ZNF385B: variants seen among roughly 807,000 people sequenced by gnomAD.
ZNF385B encodes the protein zinc finger protein 533.
Under a neutral mutation model 39.2 loss-of-function variants are expected in ZNF385B, and 23 were observed. That is an observed-to-expected ratio of 0.59 (90% confidence interval 0.42 to 0.83). The LOEUF (loss-of-function observed/expected upper bound fraction) is 0.83, where lower values mean the gene tolerates loss of function less well. ZNF385B is among the 40% of genes least tolerant of loss of function. ZNF385B has a pLI of 0.00. For synonymous variants in ZNF385B, 205 were observed against 222.6 expected (o/e 0.92, Z 0.70); for missense variants, 552 against 598.9 (o/e 0.92, Z 0.82).
chr2:179,626,740 C>T (rs1393249195), intron 3 of ZNF385B, among the ~76,000 whole-genome samples: 4 of 152,038 alleles, frequency 2.6e-5, no homozygotes, highest in African/African-American at 7.2e-5. Flanking sequence ...ATAAATTATT[C>T]AGCAAGCAAA....
intron 1 of ZNF385B, among the ~76,000 whole-genome samples, chr2:179,789,719 C>G (rs1164860693): frequency 6.6e-6 from 1 of 152,138 alleles, no homozygotes; most frequent in Admixed American, 6.5e-5. Context: ...CTCCTCTCAC[C>G]TCAATGACGC....
intron 3 of ZNF385B, among the ~76,000 whole-genome samples, chr2:179,564,066 T>C (rs1303602183): frequency 6.6e-6 from 1 of 152,142 alleles, no homozygotes; most frequent in Non-Finnish European, 1.5e-5. Flanking sequence ...AGTGTGGTCC[T>C]CAGACCAGCA....
intron 3 of ZNF385B, among the ~76,000 whole-genome samples, chr2:179,690,298 A>G (rs1011376257): frequency 7.2e-5 from 11 of 152,142 alleles, no homozygotes; most frequent in African/African-American, 2.7e-4. Flanking sequence ...ACTCGGAGCT[A>G]GCTTCACGGA....
rs73973331 is a variant in ZNF385B at position 179,621,692 on chromosome 2, A to C, written c.299-76723T>G. On this transcript the variant is annotated intron_variant, in intron 3 of 9. Transcript: ENST00000410066. ...GGTCTAGGTGAGAGGGCACATAAGA[A>C]ACAAGATTTCATCTGGAATTCTGCT... 1.7e-3 allele frequency among the ~76,000 whole-genome samples: 261 copies of C among 152,264 alleles called. 1 individual carries two copies. The highest frequency in any genetic ancestry group is 6.1e-3 in the African/African-American group (253 of 41,554).
At chr2:179,651,775 T>C (rs1693212647) in intron 3 of ZNF385B, among the ~76,000 whole-genome samples, 1 of 152,060 alleles carries the variant, frequency 6.6e-6, no homozygotes, top group East Asian at 1.9e-4. Flanking sequence ...TACTAAACCA[T>C]CTGTATGATG....
rs77664937 is a variant in ZNF385B at position 179,466,134 on chromosome 2, C to T, written c.715+17138G>A. Among the ~76,000 whole-genome samples, 833 of 152,246 alleles carry T rather than the reference C, an allele frequency of 5.5e-3. 9 individuals carry two copies. The highest frequency in any genetic ancestry group is 0.018 in the African/African-American group (748 of 41,552). On this transcript the variant is annotated intron_variant, in intron 6 of 9. Transcript: ENST00000410066. ...ATCATTGTTGTCAAGTCTATATATT[C>T]GCAATATATATTTAATGTCACTTGA... is the stretch of plus-strand genomic sequence containing the variant.
intron 3 of ZNF385B, among the ~76,000 whole-genome samples, chr2:179,615,943 C>T (rs538051826): frequency 8.1e-4 from 123 of 152,160 alleles, no homozygotes; most frequent in African/African-American, 1.2e-3. Flanking sequence ...ATGCAATGAT[C>T]GCATATTCAT....
intron 1 of ZNF385B, among the ~76,000 whole-genome samples, chr2:179,838,486 T>G (rs758335394): frequency 2.0e-5 from 3 of 152,216 alleles, no homozygotes; most frequent in Non-Finnish European, 4.4e-5. Flanking sequence ...GTTACTATCC[T>G]TTTGGTTACT....
At chr2:179,806,979 G>C (rs1385970) in intron 1 of ZNF385B, among the ~76,000 whole-genome samples, 13,938 of 152,198 alleles carry the variant, frequency 0.092, 706 homozygotes, top group African/African-American at 0.12. Context: ...CGCTTCTAGA[G>C]GGCTTATAAA....
chr2:179,449,675 C>A (rs1226749485), intron 6 of ZNF385B, among the ~76,000 whole-genome samples: 1 of 152,074 alleles, frequency 6.6e-6, no homozygotes, highest in Non-Finnish European at 1.5e-5. Context: ...GGCCATACTG[C>A]CCAAGGTAAT....
rs1305306170 is a variant in ZNF385B, at chr2:179,590,101, T to G, written c.299-45132A>C. 3.3e-5 allele frequency among the ~76,000 whole-genome samples: 5 copies of G among 152,196 alleles called. No individual in the cohort carries two copies. The East Asian group carries it at 9.6e-4, about 29-fold the overall frequency. On this transcript the variant is annotated intron_variant, in intron 3 of 9. Transcript: ENST00000410066. ...AGAAGTCACCTAACTTCTCTGATCTTCTGCTGCCATTCCCTGTAATGGGGA... is the reference window on the plus strand; with the variant it reads ...AGAAGTCACCTAACTTCTCTGATCTGCTGCTGCCATTCCCTGTAATGGGGA...
chr2:179,778,485 T>C (rs1017296565), intron 1 of ZNF385B, among the ~76,000 whole-genome samples: 1 of 152,172 alleles, frequency 6.6e-6, no homozygotes, highest in East Asian at 1.9e-4. Context: ...GAAGGCAACA[T>C]AGGCAATTGA....
intron 3 of ZNF385B, among the ~76,000 whole-genome samples, chr2:179,586,295 CT>C (rs1396732912): frequency 1.3e-5 from 2 of 152,192 alleles, no homozygotes; most frequent in African/African-American, 4.8e-5. Context: ...CTCGAAACCA[CT>C]TTTTTGCATG....
intron 6 of ZNF385B, 102 bp from the exon 7 acceptor site, chr2:179,446,872 A>C: frequency 1.4e-6 from 2 of 1,422,666 alleles, no homozygotes; most frequent in South Asian, 1.5e-5. Flanking sequence ...TTCTTATGTG[A>C]AGTTTTTATT....
intron 3 of ZNF385B, among the ~76,000 whole-genome samples, chr2:179,768,187 C>T (rs954106201): frequency 3.3e-5 from 5 of 151,612 alleles, no homozygotes; most frequent in Admixed American, 6.6e-5. Flanking sequence ...TGACCTCAAG[C>T]GATCTGCCTG....
chr2:179,777,389 AC>A, intron 1 of ZNF385B, among the ~76,000 whole-genome samples: 1 of 152,322 alleles, frequency 6.6e-6, no homozygotes, highest in East Asian at 1.9e-4. Flanking sequence ...AAAAACAATT[AC>A]AAAAATTCTT....
chr2:179,756,587 T>A (rs1575430963), intron 3 of ZNF385B, among the ~76,000 whole-genome samples: 1 of 152,344 alleles, frequency 6.6e-6, no homozygotes, highest in East Asian at 1.9e-4. Flanking sequence ...CCAACTTGCT[T>A]CCATTCTCCC....
At chr2:179,672,987 C>G (rs1446105282) in intron 3 of ZNF385B, among the ~76,000 whole-genome samples, 1 of 152,090 alleles carries the variant, frequency 6.6e-6, no homozygotes, top group Non-Finnish European at 1.5e-5. Context: ...AAAAATGAAA[C>G]TCAAGGCCAA....
At chr2:179,658,108 GATCCC>G (rs2106267391) in intron 3 of ZNF385B, among the ~76,000 whole-genome samples, 1 of 152,190 alleles carries the variant, frequency 6.6e-6, no homozygotes, top group East Asian at 1.9e-4. Flanking sequence ...TCAACTGCAG[GATCCC>G]TTTTAAAAAA....
Sources: gnomAD v4.1 joint callset for allele counts (sites outside exome capture counted in the v4.1 genomes callset) on GRCh38, gnomAD v4.1.1 for gene constraint, MANE v1.5 for transcripts, NCBI Gene and HGNC (gene_info 2026-07-23, HGNC 2026-07-21) for gene names.